IGFL2: variants seen among roughly 807,000 people sequenced by gnomAD.
IGFL2 encodes IGF like family member 2.
Under a neutral mutation model 13.9 loss-of-function variants are expected in IGFL2, and 7 were observed. That is an observed-to-expected ratio of 0.51 (90% confidence interval 0.29 to 0.95). The LOEUF (loss-of-function observed/expected upper bound fraction) is 0.95. Ranked by LOEUF, IGFL2 falls within the 40% of genes least tolerant of loss-of-function variation. IGFL2 has a pLI of 0.08. For missense variants in IGFL2, 138 were observed against 147.8 expected (o/e 0.93, Z 0.34); for synonymous variants, 55 against 55.8 (o/e 0.99, Z 0.07).
At chr19:46,197,649 AG>A in the IGFL2 span, among the ~76,000 whole-genome samples, 1 of 152,080 alleles carries the variant, frequency 6.6e-6, no homozygotes, top group African/African-American at 2.4e-5. Context: ...CTCACACCTC[AG>A]CCTTTAGAGT....
At chr19:46,131,295 C>T in the IGFL2 span, among the ~76,000 whole-genome samples, 158 of 152,292 alleles carry the variant, frequency 1.0e-3, no homozygotes, top group African/African-American at 3.6e-3. Flanking sequence ...GGTTCATTTA[C>T]AGTAGCTTTG....
chr19:46,087,731 A>G, the IGFL2 span, among the ~76,000 whole-genome samples: 1 of 152,338 alleles, frequency 6.6e-6, no homozygotes, highest in South Asian at 2.1e-4. Flanking sequence ...GGCATGAGAA[A>G]ATGCATGACT....
upstream of IGFL2, chr19:46,148,015 G>A: frequency 2.2e-6 from 1 of 451,404 alleles, no homozygotes. Context: ...GCTTTGAAAG[G>A]TTCTAGGGAA....
chr19:46,158,336 G>A (rs1230361216), intron 1 of IGFL2, among the ~76,000 whole-genome samples: 4 of 152,042 alleles, frequency 2.6e-5, no homozygotes, highest in Non-Finnish European at 5.9e-5. Flanking sequence ...AGGCCCCCTA[G>A]TAGCTGGGAT....
At chr19:46,101,653 C>T in the IGFL2 span, among the ~76,000 whole-genome samples, 20 of 152,344 alleles carry the variant, frequency 1.3e-4, no homozygotes, top group African/African-American at 1.9e-4. Flanking sequence ...TTTAGGCAGC[C>T]GCAGTGATGG....
rs771621679 is a variant in IGFL2 at position 46,160,749 on chromosome 19, G to C, written c.209G>C (p.Cys70Ser). 3 of 1,613,918 alleles carry C rather than the reference G, an allele frequency of 1.9e-6. No individual in the cohort carries two copies. In the East Asian group the frequency reaches 6.7e-5, roughly 36 times the overall value. ...LSETRQCGPP[C>S]TFWPCFELCC... is the part of the protein sequence containing the mutation. ...GAGACCCGCCAATGTGGTCCCCCCTGCACCTTCTGGCCCTGCTTTGAGCTC... is the reference window on the plus strand; with the variant it reads ...GAGACCCGCCAATGTGGTCCCCCCTCCACCTTCTGGCCCTGCTTTGAGCTC... The change falls in exon 3 of 4, where the codon TGC (cysteine) becomes TCC (serine). Residue 70 changes from cysteine to serine, a missense_variant. By Grantham distance (112) the Cys-to-Ser change is moderately radical. Coordinates refer to ENST00000377693, the MANE Select transcript of IGFL2 (RefSeq NM_001135113.2).
chr19:46,184,234 C>T, the IGFL2 span, among the ~76,000 whole-genome samples: 1 of 151,406 alleles, frequency 6.6e-6, no homozygotes, highest in Non-Finnish European at 1.5e-5. Flanking sequence ...GTGCCTCTCT[C>T]TTTCTTTCAA....
the IGFL2 span, among the ~76,000 whole-genome samples, chr19:46,191,647 T>A: frequency 6.6e-6 from 1 of 152,082 alleles, no homozygotes; most frequent in Non-Finnish European, 1.5e-5. Flanking sequence ...CCTTTTTTTC[T>A]CCAAAAGAAA....
At chr19:46,090,055 T>TC in the IGFL2 span, among the ~76,000 whole-genome samples, 1 of 152,120 alleles carries the variant, frequency 6.6e-6, no homozygotes, top group African/African-American at 2.4e-5. Flanking sequence ...TTTTCTTTTT[T>TC]CCCCTCTGAT....
intron 1 of IGFL2, among the ~76,000 whole-genome samples, chr19:46,151,557 G>A (rs550602839): frequency 6.6e-6 from 1 of 152,166 alleles, no homozygotes; most frequent in East Asian, 1.9e-4. Flanking sequence ...TTTCAAGATC[G>A]TTTTAGTTAT....
At chr19:46,188,882 T>C in the IGFL2 span, among the ~76,000 whole-genome samples, 1 of 152,242 alleles carries the variant, frequency 6.6e-6, no homozygotes, top group East Asian at 1.9e-4. Flanking sequence ...GCCAGCTCTT[T>C]GTGGGAGCAT....
At chr19:46,136,329 A>T in the IGFL2 span, among the ~76,000 whole-genome samples, 1 of 152,026 alleles carries the variant, frequency 6.6e-6, no homozygotes, top group Non-Finnish European at 1.5e-5. Flanking sequence ...AATTAACTAG[A>T]TTCATACTTG....
the IGFL2 span, among the ~76,000 whole-genome samples, chr19:46,182,824 TCCTG>T: frequency 6.6e-6 from 1 of 152,032 alleles, no homozygotes; most frequent in Non-Finnish European, 1.5e-5. Context: ...CTCCCTACAC[TCCTG>T]CCCTCTGTCT....
chr19:46,144,403 A>G (rs1973009314), upstream of IGFL2, among the ~76,000 whole-genome samples: 1 of 152,058 alleles, frequency 6.6e-6, no homozygotes, highest in African/African-American at 2.4e-5. Context: ...TCTATCTCCT[A>G]AACTCCTTTG....
At chr19:46,200,410 G>A in the IGFL2 span, among the ~76,000 whole-genome samples, 1 of 151,770 alleles carries the variant, frequency 6.6e-6, no homozygotes, top group African/African-American at 2.4e-5. Flanking sequence ...CTGAGCTTAG[G>A]TGACCCACCT....
chr19:46,097,589 G>A, the IGFL2 span, among the ~76,000 whole-genome samples: 1 of 152,030 alleles, frequency 6.6e-6, no homozygotes, highest in African/African-American at 2.4e-5. Flanking sequence ...AGTTCTTTTA[G>A]TTGCAATATT....
At chr19:46,158,444 C>T (rs989727059) in intron 1 of IGFL2, among the ~76,000 whole-genome samples, 5 of 151,226 alleles carry the variant, frequency 3.3e-5, no homozygotes, top group Non-Finnish European at 5.9e-5. Flanking sequence ...CTCCTGACCT[C>T]GTGATCCACC....
the IGFL2 span, among the ~76,000 whole-genome samples, chr19:46,184,698 A>G: frequency 6.6e-6 from 1 of 152,192 alleles, no homozygotes; most frequent in Admixed American, 6.5e-5. Flanking sequence ...GCTATTGTGA[A>G]CAGTGCCACA....
the IGFL2 span, among the ~76,000 whole-genome samples, chr19:46,082,182 C>A: frequency 6.6e-6 from 1 of 152,180 alleles, no homozygotes; most frequent in Non-Finnish European, 1.5e-5. Flanking sequence ...CTCTTCAGTT[C>A]AAATTACTGT....
Sources: gnomAD v4.1 joint callset for allele counts (sites outside exome capture counted in the v4.1 genomes callset) on GRCh38, gnomAD v4.1.1 for gene constraint, MANE v1.5 for transcripts, NCBI Gene and HGNC (gene_info 2026-07-23, HGNC 2026-07-21) for gene names.